The following RUFY2 variants were observed in gnomAD, a reference collection of about 807,000 sequenced individuals.
RUFY2 encodes the protein RUN and FYVE domain containing 2.
Under a neutral mutation model 94.4 loss-of-function variants are expected in RUFY2, and 49 were observed. The ratio of observed to expected loss-of-function variants is 0.52; its 90% CI spans 0.41 to 0.66. RUFY2 has a LOEUF of 0.66. Among genes scored for constraint, RUFY2 ranks in the 30% least tolerant of loss-of-function variants. RUFY2 has a pLI of 0.00. For missense variants in RUFY2, 541 were observed against 692.8 expected, an observed-to-expected ratio of 0.78 and a Z score of 2.46; for synonymous variants, 255 against 235.7, an observed-to-expected ratio of 1.08 and a Z score of -0.75.
intron 14 of RUFY2, 118 bp downstream of exon 14, chr10:68,363,866 A>G (rs571560733): frequency 5.0e-5 from 44 of 888,484 alleles, no homozygotes; most frequent in African/African-American, 2.4e-4. Context: ...CTCTTTACTG[A>G]TATTTTTTAA....
At position 68,346,319 on chromosome 10, in the gene RUFY2, A is replaced by G. The variant is rs2046270601; in HGVS notation, c.1600-235T>C. The G allele has an allele frequency of 6.2e-5, 26 of 416,734 alleles. No homozygotes were observed. In the South Asian group the frequency reaches 7.4e-4, roughly 12 times the overall value. The allele number at this position is 416,734 out of a possible 1,614,324, so 25.8% of individuals were successfully genotyped here. ...AAAAACAAGATTGCAGCCAGGCGAC[A>G]ATGGCTCACACCGGTAATTCCAGCT... On this transcript the variant is annotated intron_variant, in intron 16 of 17. Coordinates refer to ENST00000602465, the MANE Select transcript of RUFY2 (RefSeq NM_001330103.2).
chr10:68,349,813 C>A (rs1237136868), intron 16 of RUFY2, among the ~76,000 whole-genome samples: 1 of 152,128 alleles, frequency 6.6e-6, no homozygotes, highest in Non-Finnish European at 1.5e-5. Context: ...GCTGGGATTA[C>A]AGGCGTGAGC....
In RUFY2 at chr10:68,393,202, T is replaced by G; in HGVS notation, c.586A>C (p.Asn196His). Residue 196 changes from asparagine to histidine, a missense_variant and splice_region_variant, in exon 7 of 18, where the codon AAT becomes CAT. Asn to His is a moderately conservative substitution (Grantham distance 68). Around this residue, in one of 3 missense-constraint regions of RUFY2, gnomAD observed 403 missense variants for 480.7 expected, o/e 0.84. Transcript: ENST00000602465. ...TCTAATATGGCAGCAATTTGAACAT[T>G]CCTAAATGAGGAAAAAAGTAGCTTT... ...NEEDIGNKERNVQIAAILDQK... is the reference protein window; with the variant it reads ...NEEDIGNKERHVQIAAILDQK... 6.5e-7 allele frequency: 1 copy of G among 1,540,630 alleles called. No homozygotes were observed. Among genetic ancestry groups the G allele is most frequent in the Non-Finnish European group, 8.8e-7 (1 of 1,130,422 alleles).
chr10:68,345,263 C>A lies in RUFY2; in HGVS notation c.*505G>T. ...GACAAAATATTGGCCCTGTCTAATG[C>A]AAGAGGCAAAGGGAGAGGGGGAGAA... On this transcript the variant is annotated 3_prime_UTR_variant, in exon 18 of 18. Transcript: ENST00000602465. 5.1e-6 allele frequency: 1 copy of A among 194,650 alleles called. No homozygotes were observed. Among genetic ancestry groups the A allele is most frequent in the Non-Finnish European group, 1.0e-5 (1 of 96,762 alleles). 12.1% of individuals were successfully genotyped at this position (194,650 alleles called of 1,614,324 possible). A position where few individuals can be genotyped will look rare whatever the true frequency, so the allele number is the denominator to read the frequency against.
In RUFY2 at chr10:68,387,387, T is replaced by G. The variant is rs74741860; in HGVS notation, c.651-1259A>C. On this transcript the variant is annotated intron_variant, in intron 7 of 17. Transcript: ENST00000602465. ...AAAAAGAATGTTGTCCAAGGCCTGCTTGATACTACCATCTCAAAACCTTCT... is the reference window on the plus strand; with the variant it reads ...AAAAAGAATGTTGTCCAAGGCCTGCGTGATACTACCATCTCAAAACCTTCT... 3.8e-3 allele frequency among the ~76,000 whole-genome samples: 576 copies of G among 152,220 alleles called. 8 individuals carry two copies. The highest frequency in any genetic ancestry group is 0.013 in the African/African-American group (552 of 41,552).
chr10:68,371,149 A>AG (rs1342611438), intron 13 of RUFY2, among the ~76,000 whole-genome samples: 3 of 149,100 alleles, frequency 2.0e-5, no homozygotes, highest in Non-Finnish European at 4.5e-5. Context: ...AAAAAAAAAA[A>AG]AGCCAGGAGT....
Position 68,406,792 on chromosome 10 carries a change from T to C in RUFY2, c.4+394A>G, listed in dbSNP as rs767471142. The C allele has an allele frequency of 2.5e-6, 4 of 1,612,026 alleles. No individual in the cohort carries two copies. The South Asian group carries it at 3.3e-5, about 13-fold the overall frequency. On this transcript the variant is annotated intron_variant, in intron 1 of 17. Transcript: ENST00000602465. ...CGTCAGCATTCCCCGTCTCCCGCCC[T>C]CGGCGTCAGGCACCCAGGCCAAAAC...
chr10:68,359,425 G>A (rs1003723712), intron 15 of RUFY2, among the ~76,000 whole-genome samples: 21 of 89,344 alleles, frequency 2.4e-4, no homozygotes, highest in African/African-American at 5.1e-4. Context: ...TGTGTATTGC[G>A]TGTATATATA....
intron 12 of RUFY2, chr10:68,378,314 T>A: frequency 8.5e-7 from 1 of 1,180,042 alleles, no homozygotes; most frequent in Non-Finnish European, 1.0e-6. Context: ...CATTTGAAAA[T>A]CCTGACCTCC....
At chr10:68,399,978 C>G (rs2050689668) in intron 3 of RUFY2, among the ~76,000 whole-genome samples, 1 of 151,620 alleles carries the variant, frequency 6.6e-6, no homozygotes, top group South Asian at 2.1e-4. Flanking sequence ...CAGGCTTTCT[C>G]CATTTTGGTC....
chr10:68,407,134 C>G, intron 1 of RUFY2, 52 bp downstream of exon 1: 1 of 1,511,456 alleles, frequency 6.6e-7, no homozygotes, highest in African/African-American at 1.4e-5. Flanking sequence ...TGGCCGCGGC[C>G]CTCAGCCCGG....
chr10:68,368,434 C>T (rs897955760), intron 13 of RUFY2, among the ~76,000 whole-genome samples: 3 of 148,680 alleles, frequency 2.0e-5, no homozygotes, highest in Non-Finnish European at 4.4e-5. Context: ...CCGAGATAGG[C>T]GGGTCACCTG....
At chr10:68,384,206 T>C in intron 8 of RUFY2, 54 bp from the exon 9 acceptor site, 1 of 1,536,560 alleles carries the variant, frequency 6.5e-7, no homozygotes, top group Non-Finnish European at 8.7e-7. Flanking sequence ...TTATACTTGC[T>C]TTGCAGGTTA....
At chr10:68,349,766 C>T (rs2046535903) in intron 16 of RUFY2, among the ~76,000 whole-genome samples, 1 of 152,014 alleles carries the variant, frequency 6.6e-6, no homozygotes, top group Non-Finnish European at 1.5e-5. Flanking sequence ...TCTCGATCTC[C>T]TGACCTCGTG....
intron 7 of RUFY2, among the ~76,000 whole-genome samples, chr10:68,387,273 C>G (rs767084994): frequency 5.8e-4 from 88 of 152,106 alleles, no homozygotes; most frequent in Non-Finnish European, 1.2e-3. Context: ...AGGAGAATCA[C>G]TTGAACCTGG....
chr10:68,362,271 T>C (rs1251803918), intron 15 of RUFY2, among the ~76,000 whole-genome samples: 1 of 152,146 alleles, frequency 6.6e-6, no homozygotes, highest in Admixed American at 6.5e-5. Context: ...AAGGATGCAA[T>C]GAGCTGTGCC....
At position 68,344,082 on chromosome 10, in the gene RUFY2, T is replaced by G. The variant is rs1404571584; in HGVS notation, c.*1686A>C. The G allele has an allele frequency of 2.6e-5, 4 of 152,206 alleles. No individual in the cohort carries two copies. Among genetic ancestry groups the G allele is most frequent in the Admixed American group, 2.6e-4 (4 of 15,278 alleles). 9.4% of individuals were successfully genotyped at this position (152,206 alleles called of 1,614,324 possible). On this transcript the variant is annotated 3_prime_UTR_variant, in exon 18 of 18. Coordinates refer to ENST00000602465, the MANE Select transcript of RUFY2 (RefSeq NM_001330103.2). ...AAAATGGTTCAAGAATATAATCCTC[T>G]CTTGAGGACATTTCTGTCAGTATTC...
chr10:68,368,144 T>C (rs1237193838), intron 13 of RUFY2, among the ~76,000 whole-genome samples: 3 of 151,204 alleles, frequency 2.0e-5, no homozygotes, highest in Non-Finnish European at 4.4e-5. Context: ...TTTTCTTTAA[T>C]TTTTAGTAGA....
chr10:68,374,697 C>CA, intron 13 of RUFY2, among the ~76,000 whole-genome samples: 1 of 152,156 alleles, frequency 6.6e-6, no homozygotes, highest in Non-Finnish European at 1.5e-5. Context: ...TCATACATGG[C>CA]ATGTGGTCTT....
Sources: allele counts gnomAD v4.1 joint callset (sites outside exome capture counted in the v4.1 genomes callset), GRCh38; gene constraint gnomAD v4.1.1; regional missense constraint gnomAD v4.1.1; transcripts MANE v1.5; gene names NCBI Gene and HGNC (gene_info 2026-07-23, HGNC 2026-07-21).